The following TBC1D5 variants were observed in gnomAD, a reference collection of about 807,000 sequenced individuals.
The protein encoded by TBC1D5 is TBC1 domain family, member 5.
A neutral mutation model predicts 100.3 loss-of-function variants in TBC1D5; 75 were observed. The ratio of observed to expected loss-of-function variants is 0.75; its 90% CI spans 0.62 to 0.91. The LOEUF is 0.91. Among genes scored for constraint, TBC1D5 ranks in the 40% least tolerant of loss-of-function variants. The pLI is 0.00. For missense variants in TBC1D5, 910 were observed against 942.4 expected (o/e 0.97, Z 0.45); for synonymous variants, 323 against 325.6 (o/e 0.99, Z 0.09).
At chr3:17,596,907 TGACCCGAC>T (rs548594190) in intron 2 of TBC1D5, among the ~76,000 whole-genome samples, 51 of 152,296 alleles carry the variant, frequency 3.3e-4, no homozygotes, top group Non-Finnish European at 5.9e-4. Flanking sequence ...GGAACACTGA[TGACCCGAC>T]AGCTCCCATT....
At chr3:17,403,622 C>T (rs2093697756) in intron 7 of TBC1D5, among the ~76,000 whole-genome samples, 1 of 151,906 alleles carries the variant, frequency 6.6e-6, no homozygotes, top group South Asian at 2.1e-4. Context: ...TTAGCATTTA[C>T]AATCTATTAG....
chr3:17,429,522 A>C (rs1258603770), intron 3 of TBC1D5, among the ~76,000 whole-genome samples: 2 of 151,928 alleles, frequency 1.3e-5, no homozygotes, highest in Admixed American at 1.3e-4. Context: ...TAATATAACA[A>C]TGATTTAATC....
At chr3:17,650,825 CTT>C (rs1371453340) in intron 1 of TBC1D5, among the ~76,000 whole-genome samples, 1 of 152,172 alleles carries the variant, frequency 6.6e-6, no homozygotes, top group African/African-American at 2.4e-5. Flanking sequence ...AAAACAGTGA[CTT>C]TGGGTACAGT....
intron 9 of TBC1D5, among the ~76,000 whole-genome samples, chr3:17,379,495 G>A (rs759135058): frequency 6.6e-5 from 10 of 151,852 alleles, no homozygotes; most frequent in South Asian, 2.1e-4. Context: ...AATCATTCAC[G>A]TATTGCAAAA....
chr3:17,185,248 T>C (rs377411512), intron 18 of TBC1D5, 40 bp from the exon 20 acceptor site: 45 of 1,559,844 alleles, frequency 2.9e-5, no homozygotes, highest in East Asian at 2.5e-4. Context: ...TTTTTAGAGA[T>C]TGTCAAATAA....
chr3:17,420,463 C>T (rs1209631026), intron 4 of TBC1D5, among the ~76,000 whole-genome samples: 1 of 151,756 alleles, frequency 6.6e-6, no homozygotes, highest in South Asian at 2.1e-4. Context: ...TTATATAGAG[C>T]TACTATATAA....
chr3:17,665,343 A>G (rs570824125), intron 1 of TBC1D5, among the ~76,000 whole-genome samples: 80 of 152,344 alleles, frequency 5.3e-4, no homozygotes, highest in African/African-American at 1.7e-3. Flanking sequence ...TGTCTCGCTC[A>G]TATCTTTATA....
chr3:17,384,443 T>C (rs2093070761), intron 8 of TBC1D5, among the ~76,000 whole-genome samples: 1 of 152,144 alleles, frequency 6.6e-6, no homozygotes, highest in Non-Finnish European at 1.5e-5. Flanking sequence ...CTTCAGTTAT[T>C]ACATATAACC....
intron 21 of TBC1D5, among the ~76,000 whole-genome samples, chr3:17,163,261 C>A (rs1010043644): frequency 1.1e-4 from 6 of 56,358 alleles, no homozygotes; most frequent in Admixed American, 8.0e-4. Flanking sequence ...ATTGACCCCC[C>A]CCCCTTCCTT....
intron 1 of TBC1D5, among the ~76,000 whole-genome samples, chr3:17,677,629 A>G (rs2068818209): frequency 6.6e-6 from 1 of 152,236 alleles, no homozygotes; most frequent in South Asian, 2.1e-4. Flanking sequence ...CATTTGACCC[A>G]GCCATCCCAT....
chr3:17,455,310 A>G (rs1195480099), intron 3 of TBC1D5, among the ~76,000 whole-genome samples: 1 of 133,112 alleles, frequency 7.5e-6, no homozygotes, highest in Admixed American at 7.2e-5. Context: ...GTATATATGT[A>G]AATATGTGTA....
At chr3:17,387,996 T>A (rs545612842) in intron 8 of TBC1D5, among the ~76,000 whole-genome samples, 3 of 152,196 alleles carry the variant, frequency 2.0e-5, no homozygotes, top group South Asian at 2.1e-4. Context: ...TCTTTCTTTC[T>A]ACATTTGTCC....
chr3:17,201,479 A>T (rs2071451925), intron 18 of TBC1D5, among the ~76,000 whole-genome samples: 1 of 152,162 alleles, frequency 6.6e-6, no homozygotes, highest in South Asian at 2.1e-4. Context: ...GATCAGGAAA[A>T]GAGAGGAAGC....
intron 4 of TBC1D5, among the ~76,000 whole-genome samples, chr3:17,415,800 A>T (rs1470675811): frequency 1.3e-5 from 2 of 152,080 alleles, no homozygotes; most frequent in Non-Finnish European, 2.9e-5. Context: ...CTTCCTCTAT[A>T]ATTAATAAGG....
chr3:17,425,380 A>T (rs758720971), intron 4 of TBC1D5, among the ~76,000 whole-genome samples: 1 of 152,192 alleles, frequency 6.6e-6, no homozygotes, highest in African/African-American at 2.4e-5. Context: ...TAATCCCAAC[A>T]CTTTGGGAGG....
At chr3:17,583,787 A>G (rs1160509018) in intron 2 of TBC1D5, among the ~76,000 whole-genome samples, 3 of 152,236 alleles carry the variant, frequency 2.0e-5, no homozygotes, top group Non-Finnish European at 4.4e-5. Context: ...TGCCATGGAA[A>G]ACAGTTTGAT....
chr3:17,606,558 C>T (rs1013391097), intron 2 of TBC1D5, among the ~76,000 whole-genome samples: 1 of 151,994 alleles, frequency 6.6e-6, no homozygotes, highest in African/African-American at 2.4e-5. Flanking sequence ...AATAATGATA[C>T]TGGTGACTTT....
intron 13 of TBC1D5, among the ~76,000 whole-genome samples, chr3:17,349,045 A>G (rs1344769034): frequency 1.3e-5 from 2 of 152,198 alleles, no homozygotes; most frequent in African/African-American, 2.4e-5. Context: ...CAGAAACTCA[A>G]ATAGGTGGAG....
intron 1 of TBC1D5, among the ~76,000 whole-genome samples, chr3:17,734,127 T>G (rs1261819036): frequency 1.3e-5 from 2 of 152,232 alleles, no homozygotes; most frequent in Non-Finnish European, 2.9e-5. Flanking sequence ...TAATGTCTAG[T>G]GTAGCACTAT....
Sources: allele counts gnomAD v4.1 joint callset (sites outside exome capture counted in the v4.1 genomes callset), GRCh38; gene constraint gnomAD v4.1.1; transcripts MANE v1.5; gene names NCBI Gene and HGNC (gene_info 2026-07-23, HGNC 2026-07-21).